The following NFIB variants were observed in gnomAD, a reference collection of about 807,000 sequenced individuals.
The protein encoded by NFIB is nuclear factor I B.
Under a neutral mutation model 61.5 loss-of-function variants are expected in NFIB, and 11 were observed. The observed-to-expected ratio is 0.18, with a 90% confidence interval of 0.11 to 0.30. The LOEUF is 0.30. NFIB is among the 10% of genes least tolerant of loss of function. The pLI is 1.00. For missense variants in NFIB, 471 were observed against 608.9 expected (o/e 0.77, Z 2.38); for synonymous variants, 260 against 216.5 (o/e 1.20, Z -1.76).
chr9:14,218,195 C>A (rs1316712984), intron 2 of NFIB, among the ~76,000 whole-genome samples: 1 of 152,130 alleles, frequency 6.6e-6, no homozygotes, highest in Non-Finnish European at 1.5e-5. Context: ...AAGAAAAAGG[C>A]CAGTTGTACA....
chr9:14,189,226 T>G (rs74446758), intron 2 of NFIB, among the ~76,000 whole-genome samples: 17,416 of 152,134 alleles, frequency 0.11, 1,386 homozygotes, highest in East Asian at 0.37. Flanking sequence ...ACTTAATATA[T>G]CTAGGTTAAA....
the NFIB span, among the ~76,000 whole-genome samples, chr9:14,498,958 T>C: frequency 1.3e-5 from 2 of 152,006 alleles, no homozygotes; most frequent in Admixed American, 6.6e-5. Context: ...AGCTTTACAG[T>C]TGAAGGCTAT....
chr9:14,211,801 T>C (rs995647772), intron 2 of NFIB, among the ~76,000 whole-genome samples: 2 of 152,254 alleles, frequency 1.3e-5, no homozygotes, highest in South Asian at 2.1e-4. Context: ...AGCATATTGT[T>C]ATTAAAAGTG....
At chr9:14,357,018 TA>T (rs1356046404) in intron 1 of NFIB, 1 of 152,242 alleles carries the variant, frequency 6.6e-6, no homozygotes, top group Non-Finnish European at 1.5e-5. Flanking sequence ...GTGTAAATTT[TA>T]AAAGAAGTAA....
chr9:14,227,493 T>C (rs1048393007), intron 2 of NFIB, among the ~76,000 whole-genome samples: 4 of 152,204 alleles, frequency 2.6e-5, no homozygotes, highest in African/African-American at 7.2e-5. Flanking sequence ...AAATATATCA[T>C]ACTATGGAGA....
rs114592771 is a variant in NFIB at position 14,215,715 on chromosome 9, T to C, written c.563-35935A>G. On this transcript the variant is annotated intron_variant, in intron 2 of 10. Transcript: ENST00000380953. ...TACTGAAAACCAGTCTAGCTTCCTA[T>C]GGTATGCATAACTTCCTCTGTAATA... 1.9e-3 allele frequency among the ~76,000 whole-genome samples: 294 copies of C among 152,322 alleles called. 2 individuals are homozygous for C. The highest frequency in any genetic ancestry group is 6.8e-3 in the African/African-American group (284 of 41,572).
chr9:14,193,697 C>G (rs967075131), intron 2 of NFIB, among the ~76,000 whole-genome samples: 5 of 152,152 alleles, frequency 3.3e-5, no homozygotes, highest in African/African-American at 1.2e-4. Flanking sequence ...TATGTTCATA[C>G]GCACAGGGAT....
chr9:14,243,914 A>G lies in NFIB; in HGVS notation c.562+63075T>C, dbSNP rs572649510. 5.4e-4 allele frequency among the ~76,000 whole-genome samples: 82 copies of G among 152,330 alleles called. 1 individual carries two copies. The South Asian group carries it at 0.016, about 29-fold the overall frequency. ...ATATGGCTGCAACTGCATTAAAATG[A>G]CATTGGTAGCAGAATTAAACTGTCT... On this transcript the variant is annotated intron_variant, in intron 2 of 10. Coordinates refer to ENST00000380953, the MANE Select transcript of NFIB (RefSeq NM_001190737.2).
At chr9:14,208,322 C>T (rs369620642) in intron 2 of NFIB, among the ~76,000 whole-genome samples, 9 of 151,892 alleles carry the variant, frequency 5.9e-5, no homozygotes, top group East Asian at 3.9e-4. Flanking sequence ...GCAATCCTTC[C>T]GACATCAAGG....
intron 6 of NFIB, among the ~76,000 whole-genome samples, chr9:14,132,048 C>T (rs1401761992): frequency 2.0e-5 from 3 of 152,202 alleles, no homozygotes; most frequent in Admixed American, 6.5e-5. Flanking sequence ...TTGAAAAATT[C>T]CTTTTCTTCC....
chr9:14,188,362 T>C (rs1255334354), intron 2 of NFIB, among the ~76,000 whole-genome samples: 2 of 152,202 alleles, frequency 1.3e-5, no homozygotes, highest in Admixed American at 6.5e-5. Flanking sequence ...CTTAAAAATA[T>C]ACATTAAATG....
At position 14,175,335 on chromosome 9, in the gene NFIB, G is replaced by A. The variant is rs147188360; in HGVS notation, c.616+4392C>T. ...ACTACAGGCGCCCGCCACCATGCCC[G>A]GCTAATTTTTTTGTATTTTTAGTAG... On this transcript the variant is annotated intron_variant, in intron 3 of 10. Coordinates refer to ENST00000380953, the MANE Select transcript of NFIB (RefSeq NM_001190737.2). Among the ~76,000 whole-genome samples, 1,168 of 151,514 alleles carry A rather than the reference G, an allele frequency of 7.7e-3. 13 individuals are homozygous for A. The highest frequency in any genetic ancestry group is 0.026 in the African/African-American group (1,057 of 41,318).
At chr9:14,092,701 G>A (rs758078549) in intron 10 of NFIB, among the ~76,000 whole-genome samples, 18 of 152,064 alleles carry the variant, frequency 1.2e-4, no homozygotes, top group Non-Finnish European at 1.9e-4. Context: ...TATGTAGCTG[G>A]TCTAAGTGGT....
At chr9:14,492,363 A>AAAATAAATAAATAAATAAAT in the NFIB span, among the ~76,000 whole-genome samples, 59 of 148,090 alleles carry the variant, frequency 4.0e-4, no homozygotes, top group East Asian at 1.0e-3. Flanking sequence ...ACTTTGCCTC[A>AAAATAAATAAATAAATAAAT]AAATAAATAA....
At chr9:14,150,503 G>A (rs746097209) in intron 4 of NFIB, among the ~76,000 whole-genome samples, 11 of 152,140 alleles carry the variant, frequency 7.2e-5, no homozygotes, top group South Asian at 4.2e-4. Context: ...CCAATTTCCC[G>A]AATCCTATTC....
At chr9:14,209,110 G>T (rs1230728791) in intron 2 of NFIB, among the ~76,000 whole-genome samples, 1 of 152,064 alleles carries the variant, frequency 6.6e-6, no homozygotes, top group Non-Finnish European at 1.5e-5. Flanking sequence ...ATACATCACA[G>T]CCCAGCCTTT....
At chr9:14,341,172 G>C (rs2060945446) in intron 1 of NFIB, among the ~76,000 whole-genome samples, 1 of 152,132 alleles carries the variant, frequency 6.6e-6, no homozygotes, top group Admixed American at 6.5e-5. Context: ...CACACGTTGT[G>C]GTCTTTTCCA....
chr9:14,397,043 G>A (rs2133045962), intron 1 of NFIB, among the ~76,000 whole-genome samples: 1 of 152,284 alleles, frequency 6.6e-6, no homozygotes, highest in South Asian at 2.1e-4. Context: ...TCAGTTCTGG[G>A]AAGAGGAGTT....
intron 3 of NFIB, among the ~76,000 whole-genome samples, chr9:14,178,545 T>A (rs749049857): frequency 1.3e-5 from 2 of 152,166 alleles, no homozygotes; most frequent in East Asian, 1.9e-4. Flanking sequence ...ATCTTTGAAG[T>A]GTATACTACT....
Sources: gnomAD v4.1 joint callset for allele counts (sites outside exome capture counted in the v4.1 genomes callset) on GRCh38, gnomAD v4.1.1 for gene constraint, MANE v1.5 for transcripts, NCBI Gene and HGNC (gene_info 2026-07-23, HGNC 2026-07-21) for gene names.